Variants in COL27A1 observed in about 807,000 individuals in gnomAD.
COL27A1 encodes collagen alpha-1(XXVII) chain.
COL27A1 carries 106 observed loss-of-function variants against 251.3 expected under a neutral mutation model. The ratio of observed to expected loss-of-function variants is 0.42; its 90% CI spans 0.36 to 0.50. COL27A1 has a LOEUF of 0.50. Among genes scored for constraint, COL27A1 ranks in the 20% least tolerant of loss-of-function variants. COL27A1 has a pLI of 0.00. For synonymous variants in COL27A1, 1,000 were observed against 986.3 expected, an observed-to-expected ratio of 1.01 and a Z score of -0.26; for missense variants, 2,325 against 2,522.8, an observed-to-expected ratio of 0.92 and a Z score of 1.68.
At chr9:114,301,407 G>T (rs772140061) in intron 53 of COL27A1, 38 bp from the exon 54 acceptor site, 50 of 1,611,832 alleles carry the variant, frequency 3.1e-5, no homozygotes, top group Non-Finnish European at 4.0e-5. Flanking sequence ...GCTCAGCCAG[G>T]TTCCCTAACT....
At position 114,311,548 on chromosome 9, in the gene COL27A1, G is replaced by GAAAAAAAAAAAAAAAAAAAAGAAAA. The variant is rs56094843; in HGVS notation, c.*870_*871insAAAGAAAAAAAAAAAAAAAAAAAAA. ...AGGAGGAAAAAAGAAAAGAAAAAAG[G>GAAAAAAAAAAAAAAAAAAAAGAAAA]AAAAAAAAAAAAAAAAAGCAAAACA... On this transcript the variant is annotated 3_prime_UTR_variant, in exon 61 of 61. Transcript: ENST00000356083. 6.2e-5 allele frequency: 6 copies of GAAAAAAAAAAAAAAAAAAAAGAAAA among 96,212 alleles called. No homozygotes were observed. Among genetic ancestry groups the GAAAAAAAAAAAAAAAAAAAAGAAAA allele is most frequent in the African/African-American group, 2.0e-4 (6 of 29,306 alleles). The allele number at this position is 96,212 out of a possible 1,614,324, so 6.0% of individuals were successfully genotyped here. A position where few individuals can be genotyped will look rare whatever the true frequency, so the allele number is the denominator to read the frequency against.
intron 41 of COL27A1, 111 bp from the exon 42 acceptor site, chr9:114,288,344 T>G: frequency 8.8e-7 from 1 of 1,137,478 alleles, no homozygotes. Context: ...TGTCCCCATC[T>G]GTAACCCTAA....
At chr9:114,287,109 T>C (rs1827548798) in intron 41 of COL27A1, among the ~76,000 whole-genome samples, 1 of 152,084 alleles carries the variant, frequency 6.6e-6, no homozygotes, top group African/African-American at 2.4e-5. Context: ...GGGCCACCCC[T>C]CTAGACCTCA....
In COL27A1 at chr9:114,311,932, C is replaced by G. The variant is rs563448834; in HGVS notation, c.*1237C>G. On this transcript the variant is annotated 3_prime_UTR_variant, in exon 61 of 61. Transcript: ENST00000356083. ...GATGCAATCATCGTTCCTGCTTTTT[C>G]ATTGTCATTAAATTCTGTAGAAACC... The G allele has an allele frequency of 1.3e-5, 2 of 152,342 alleles. No individual in the cohort carries two copies. Among genetic ancestry groups the G allele is most frequent in the Admixed American group, 1.3e-4 (2 of 15,304 alleles). The allele number at this position is 152,342 out of a possible 1,614,324, so 9.4% of individuals were successfully genotyped here.
intron 3 of COL27A1, among the ~76,000 whole-genome samples, chr9:114,170,458 C>CA (rs1849234063): frequency 6.6e-6 from 1 of 152,150 alleles, no homozygotes; most frequent in Non-Finnish European, 1.5e-5. Context: ...GTGGTGGCCT[C>CA]TCTCTCTCCT....
chr9:114,154,974 C>G (rs1848037177), upstream of COL27A1, among the ~76,000 whole-genome samples: 1 of 151,870 alleles, frequency 6.6e-6, no homozygotes, highest in Non-Finnish European at 1.5e-5. The surrounding 1 kb of genome is among the most constrained non-coding windows in gnomAD (Gnocchi z 5.8). Context: ...TGGGGAGGTG[C>G]GTGGTTAGTG....
intron 2 of COL27A1, among the ~76,000 whole-genome samples, chr9:114,165,733 C>T (rs1430105594): frequency 4.0e-5 from 6 of 149,840 alleles, no homozygotes; most frequent in African/African-American, 9.8e-5. Flanking sequence ...TCTATTCATT[C>T]GTCCATTATA....
intron 14 of COL27A1, among the ~76,000 whole-genome samples, chr9:114,226,423 C>T (rs1831472117): frequency 6.6e-6 from 1 of 152,232 alleles, no homozygotes; most frequent in Non-Finnish European, 1.5e-5. Flanking sequence ...GAAACTGAGC[C>T]TCAGAGAGGG....
At chr9:114,214,471 CAG>C (rs756952079) in intron 12 of COL27A1, among the ~76,000 whole-genome samples, 2 of 152,162 alleles carry the variant, frequency 1.3e-5, no homozygotes, top group Non-Finnish European at 2.9e-5. Context: ...GGTGATGTGT[CAG>C]AGTCTTTTAC....
chr9:114,205,298 A>T lies in COL27A1; in HGVS notation c.2169+152A>T, dbSNP rs554196295. Reference sequence around the variant, plus strand: ...CCTGCTGGAGCCCCCAGCCCACTCCAGTCCACCCCACCTCTCTCGCCCAGC... The same window carrying T: ...CCTGCTGGAGCCCCCAGCCCACTCCTGTCCACCCCACCTCTCTCGCCCAGC... On this transcript the variant is annotated intron_variant, in intron 8 of 60. Transcript: ENST00000356083. 1.4e-4 allele frequency: 94 copies of T among 665,672 alleles called. No homozygotes were observed. In the African/African-American group the frequency reaches 1.5e-3, roughly 11 times the overall value. 41.2% of individuals were successfully genotyped at this position (665,672 alleles called of 1,614,324 possible).
At chr9:114,204,504 G>T (rs1374741596) in intron 7 of COL27A1, among the ~76,000 whole-genome samples, 1 of 152,228 alleles carries the variant, frequency 6.6e-6, no homozygotes, top group African/African-American at 2.4e-5. Context: ...CTGGGGCGTT[G>T]CCAGAGTCCT....
In COL27A1 at chr9:114,169,424, G is replaced by T. The variant is rs757059453; in HGVS notation, c.1869G>T (p.Leu623=). Residue 623 remains leucine (L), a synonymous_variant, in exon 3 of 61, where the codon CTG becomes CTT. Coordinates refer to ENST00000356083, the MANE Select transcript of COL27A1 (RefSeq NM_032888.4). The part of the protein sequence containing the change: ...HLAGSTPFPL[L]MGPPGPKGDC... The stretch of plus-strand genomic sequence containing the variant: ...CAGGATCTACGCCTTTCCCTCTGCT[G>T]ATGGGGCCTCCGGGACCCAAGGGAG... The T allele has an allele frequency of 1.3e-6, 2 of 1,576,054 alleles. No homozygotes were observed. Among genetic ancestry groups the T allele is most frequent in the Non-Finnish European group, 1.7e-6 (2 of 1,162,084 alleles).
intron 7 of COL27A1, among the ~76,000 whole-genome samples, chr9:114,198,738 A>T (rs1361553186): frequency 6.6e-6 from 1 of 152,072 alleles, no homozygotes. Flanking sequence ...ACCGCCTGAG[A>T]TACTTGTGGA....
intron 21 of COL27A1, 38 bp from the exon 22 acceptor site, chr9:114,242,149 T>G (rs1169867583): frequency 1.9e-6 from 3 of 1,563,078 alleles, no homozygotes; most frequent in Non-Finnish European, 2.6e-6. Context: ...CTGGATTAAC[T>G]TTCTCCTTTT....
chr9:114,212,436 T>C (rs10119750), intron 12 of COL27A1, among the ~76,000 whole-genome samples: 2,023 of 152,312 alleles, frequency 0.013, 48 homozygotes, highest in African/African-American at 0.045. Context: ...AAGTTCCCAC[T>C]CTCTTGGGGC....
intron 27 of COL27A1, among the ~76,000 whole-genome samples, chr9:114,253,552 A>G (rs1254966802): frequency 1.3e-5 from 2 of 152,018 alleles, no homozygotes; most frequent in Admixed American, 6.6e-5. Context: ...GAAAAAGAAT[A>G]AGGGTTAGGA....
At chr9:114,284,907 C>A in intron 41 of COL27A1, 130 bp downstream of exon 41, 1 of 957,310 alleles carries the variant, frequency 1.0e-6, no homozygotes, top group Admixed American at 2.0e-5. Flanking sequence ...CCCCCTGCAG[C>A]AGCCGAGGCT....
intron 5 of COL27A1, among the ~76,000 whole-genome samples, chr9:114,183,339 C>T (rs1163598219): frequency 6.6e-6 from 1 of 152,180 alleles, no homozygotes; most frequent in East Asian, 1.9e-4. Context: ...GAGGTGATTT[C>T]TTGCTAAATA....
intron 49 of COL27A1, among the ~76,000 whole-genome samples, chr9:114,298,808 T>A (rs1828418418): frequency 6.6e-6 from 1 of 152,232 alleles, no homozygotes; most frequent in Non-Finnish European, 1.5e-5. Context: ...CAAACACTTT[T>A]GTGCTTCCAA....
Sources: gnomAD v4.1 joint callset for allele counts (sites outside exome capture counted in the v4.1 genomes callset) on GRCh38, gnomAD v4.1.1 for gene constraint, Gnocchi (gnomAD v3.1) non-coding constraint, MANE v1.5 for transcripts, NCBI Gene and HGNC (gene_info 2026-07-23, HGNC 2026-07-21) for gene names.